Variants in MKLN1 observed in about 807,000 individuals in gnomAD.
MKLN1 encodes the protein muskelin 1.
A neutral mutation model predicts 99.0 loss-of-function variants in MKLN1; 18 were observed. That is an observed-to-expected ratio of 0.18 (90% CI 0.13 to 0.27). The LOEUF is 0.27. Ranked by LOEUF, MKLN1 falls within the 10% of genes least tolerant of loss-of-function variation. The pLI, the probability that MKLN1 is intolerant of heterozygous loss-of-function variation, is 1.00. For missense variants in MKLN1, 621 were observed against 875.9 expected (o/e 0.71, Z 3.67); for synonymous variants, 288 against 293.2 (o/e 0.98, Z 0.18).
At chr7:131,333,001 G>A (rs1370615659) in intron 1 of MKLN1, among the ~76,000 whole-genome samples, 1 of 151,950 alleles carries the variant, frequency 6.6e-6, no homozygotes, top group African/African-American at 2.4e-5. Flanking sequence ...TTGGCTCACT[G>A]CAAACTCTGC....
At chr7:131,233,425 T>A (rs1797272905) in intron 3 of MKLN1, among the ~76,000 whole-genome samples, 1 of 147,830 alleles carries the variant, frequency 6.8e-6, no homozygotes, top group South Asian at 2.2e-4. Flanking sequence ...GTTTATATTT[T>A]GCGTCATGAC....
At chr7:131,127,179 A>AG (rs59701029) in intron 1 of MKLN1, among the ~76,000 whole-genome samples, 9,167 of 140,792 alleles carry the variant, frequency 0.065, 340 homozygotes, top group Middle Eastern at 0.089. Context: ...AAAAAAAAAA[A>AG]AAAGAAAGAA....
intron 2 of MKLN1, among the ~76,000 whole-genome samples, chr7:131,160,829 C>A (rs1423014313): frequency 2.0e-5 from 3 of 151,940 alleles, no homozygotes; most frequent in Non-Finnish European, 2.9e-5. Flanking sequence ...CGCACCTGGC[C>A]CTATGTTTAA....
At chr7:131,283,953 T>C (rs191587606) in intron 3 of MKLN1, among the ~76,000 whole-genome samples, 7 of 152,378 alleles carry the variant, frequency 4.6e-5, no homozygotes. Flanking sequence ...TAATCCATTC[T>C]ATATAACATA....
At chr7:131,443,415 G>T in intron 10 of MKLN1, 66 bp from the exon 11 acceptor site, 1 of 1,212,430 alleles carries the variant, frequency 8.2e-7, no homozygotes, top group Non-Finnish European at 1.2e-6. Context: ...GTACATGTTG[G>T]TTTTGTTTTA....
chr7:131,266,291 G>A (rs1053746311), intron 3 of MKLN1, among the ~76,000 whole-genome samples: 3 of 151,212 alleles, frequency 2.0e-5, no homozygotes, highest in Non-Finnish European at 2.9e-5. Context: ...CCAGAATTTT[G>A]TTTCTTGCAA....
intron 15 of MKLN1, among the ~76,000 whole-genome samples, chr7:131,467,521 T>C (rs1046931151): frequency 6.6e-6 from 1 of 152,158 alleles, no homozygotes; most frequent in Non-Finnish European, 1.5e-5. Context: ...CTGAATCATA[T>C]AGCTGTCTGG....
Position 131,399,339 on chromosome 7 carries a change from A to G in MKLN1, c.609A>G (p.Ala203=), listed in dbSNP as rs772911896. ...CACTGCAAAAGAAAACCAAGATTGC[A>G]CTGGAACATCCCATGTTAACAGATA... ...FESLQKKTKI[A]LEHPMLTDIH... The change falls in exon 6 of 18, where the codon GCA becomes GCG. Residue 203 remains alanine (A), a synonymous_variant. Transcript: ENST00000352689. 1 of 1,614,040 alleles carries G rather than the reference A, an allele frequency of 6.2e-7. No homozygotes were observed. Among genetic ancestry groups the G allele is most frequent in the African/African-American group, 1.3e-5 (1 of 75,050 alleles).
chr7:131,442,682 A>G (rs1795876216), intron 10 of MKLN1, among the ~76,000 whole-genome samples: 1 of 152,228 alleles, frequency 6.6e-6, no homozygotes, highest in Non-Finnish European at 1.5e-5. Context: ...TGTGTACACA[A>G]TTTATTCTTT....
At chr7:131,151,368 G>A (rs1024566927) in intron 2 of MKLN1, among the ~76,000 whole-genome samples, 15 of 152,130 alleles carry the variant, frequency 9.9e-5, no homozygotes, top group Admixed American at 5.2e-4. Flanking sequence ...GGTGACTTTG[G>A]AGGGGAAATT....
intron 17 of MKLN1, 135 bp downstream of exon 17, chr7:131,478,812 G>A: frequency 9.2e-7 from 1 of 1,088,670 alleles, no homozygotes; most frequent in African/African-American, 1.6e-5. Flanking sequence ...AAGGTATCAT[G>A]CAAAATTTCT....
intron 2 of MKLN1, among the ~76,000 whole-genome samples, chr7:131,379,924 CTT>C (rs1322317879): frequency 6.6e-6 from 1 of 152,144 alleles, no homozygotes; most frequent in Non-Finnish European, 1.5e-5. Flanking sequence ...TTTGGGGCCA[CTT>C]TTCTACTGAG....
chr7:131,274,982 T>C (rs1476036906), intron 3 of MKLN1, among the ~76,000 whole-genome samples: 1 of 152,154 alleles, frequency 6.6e-6, no homozygotes, highest in African/African-American at 2.4e-5. Context: ...TTACCCACTT[T>C]CCATCTCTGG....
intron 9 of MKLN1, among the ~76,000 whole-genome samples, chr7:131,432,441 G>A (rs1342943349): frequency 6.6e-6 from 1 of 151,162 alleles, no homozygotes; most frequent in Non-Finnish European, 1.5e-5. Flanking sequence ...AACACTTTCT[G>A]TTAGTTCAAA....
chr7:131,421,089 G>C (rs889106952), intron 8 of MKLN1, among the ~76,000 whole-genome samples: 1 of 152,016 alleles, frequency 6.6e-6, no homozygotes, highest in African/African-American at 2.4e-5. Flanking sequence ...TCATTACTTC[G>C]GGATCTAGGT....
At chr7:131,134,088 C>G (rs1278283245) in intron 1 of MKLN1, among the ~76,000 whole-genome samples, 2 of 152,026 alleles carry the variant, frequency 1.3e-5, no homozygotes, top group Non-Finnish European at 2.9e-5. Flanking sequence ...CCTCGGCCTC[C>G]CAAAGTGCTG....
At chr7:131,247,446 C>A (rs1302595565) in intron 3 of MKLN1, among the ~76,000 whole-genome samples, 1 of 151,910 alleles carries the variant, frequency 6.6e-6, no homozygotes, top group Non-Finnish European at 1.5e-5. Context: ...GAACTCCTGA[C>A]CTTGTGATCT....
chr7:131,359,085 A>G (rs1462290995), intron 1 of MKLN1, among the ~76,000 whole-genome samples: 3 of 151,772 alleles, frequency 2.0e-5, no homozygotes, highest in East Asian at 3.9e-4. Flanking sequence ...GCTTTTCTCT[A>G]GTTTCCTAGG....
At chr7:131,370,505 T>C (rs1259588198) in intron 1 of MKLN1, among the ~76,000 whole-genome samples, 13 of 151,990 alleles carry the variant, frequency 8.6e-5, no homozygotes, top group Non-Finnish European at 1.5e-5. Context: ...CCTTTTTGTA[T>C]GTTTATTTTT....
Sources: gnomAD v4.1 joint callset for allele counts (sites outside exome capture counted in the v4.1 genomes callset) on GRCh38, gnomAD v4.1.1 for gene constraint, MANE v1.5 for transcripts, NCBI Gene and HGNC (gene_info 2026-07-23, HGNC 2026-07-21) for gene names.